Variants in GLIS3 observed in about 807,000 individuals in gnomAD.
The protein encoded by GLIS3 is zinc finger protein GLIS3.
In GLIS3, 53 loss-of-function variants were observed where a neutral mutation model predicts 78.6. That is an observed-to-expected ratio of 0.67 (90% CI 0.54 to 0.85). GLIS3 has a LOEUF of 0.85. GLIS3 is among the 40% of genes least tolerant of loss of function. GLIS3 has a pLI of 0.00. For missense variants in GLIS3, 1,703 were observed against 1,231.1 expected (o/e 1.38, Z -5.74); for synonymous variants, 684 against 509.9 (o/e 1.34, Z -4.60).
chr9:3,854,934 T>A (rs919098054), intron 9 of GLIS3, among the ~76,000 whole-genome samples: 1 of 152,202 alleles, frequency 6.6e-6, no homozygotes, highest in Non-Finnish European at 1.5e-5. Flanking sequence ...GCATATTGAT[T>A]TAGATTTGTT....
the GLIS3 span, among the ~76,000 whole-genome samples, chr9:4,408,726 CA>C: frequency 0.099 from 5,599 of 56,636 alleles, 60 homozygotes; most frequent in African/African-American, 0.13. Context: ...GACTCTGTCT[CA>C]AAAAAAAAAA....
At chr9:4,398,226 T>TA in the GLIS3 span, among the ~76,000 whole-genome samples, 2 of 152,064 alleles carry the variant, frequency 1.3e-5, no homozygotes, top group African/African-American at 4.8e-5. Flanking sequence ...ATATTTTTTT[T>TA]AATATCATTA....
In GLIS3 at chr9:3,828,388, A is replaced by G; in HGVS notation, c.2677T>C (p.Ser893Pro). The change falls in exon 11 of 11, where the codon TCC becomes CCC. Residue 893 changes from serine to proline, a missense_variant. By Grantham distance (74) the Ser-to-Pro change is moderately conservative (BLOSUM62 -1). Coordinates refer to ENST00000381971, the MANE Select transcript of GLIS3 (RefSeq NM_001042413.2). Reference sequence around the variant, plus strand: ...AGAGACTCCCCAAAGAGGCTCGAGGAACTTGAAGGTAAATCATACACTGGA... The same window carrying G: ...AGAGACTCCCCAAAGAGGCTCGAGGGACTTGAAGGTAAATCATACACTGGA... ...GITVYDLPSS[S>P]SSLFGESLRS... is the part of the protein sequence containing the mutation. 6.2e-7 allele frequency: 1 copy of G among 1,613,456 alleles called. No individual in the cohort carries two copies. The highest frequency in any genetic ancestry group is 8.5e-7 in the Non-Finnish European group (1 of 1,180,008).
upstream of GLIS3, among the ~76,000 whole-genome samples, chr9:4,348,774 A>G (rs1410922926): frequency 6.8e-6 from 1 of 147,072 alleles, no homozygotes; most frequent in Non-Finnish European, 1.5e-5. Flanking sequence ...CTCCTAAGTG[A>G]AAAAAAAACA....
chr9:4,024,692 G>C (rs561593096), intron 4 of GLIS3, among the ~76,000 whole-genome samples: 4 of 152,346 alleles, frequency 2.6e-5, no homozygotes, highest in African/African-American at 7.2e-5. Context: ...ACAGGGCAAA[G>C]ACAGAGGCCA....
At chr9:4,481,909 G>C in the GLIS3 span, among the ~76,000 whole-genome samples, 1 of 152,242 alleles carries the variant, frequency 6.6e-6, no homozygotes, top group South Asian at 2.1e-4. Context: ...CCTTCTCTAA[G>C]TTTACAATTT....
the GLIS3 span, among the ~76,000 whole-genome samples, chr9:4,410,341 G>C: frequency 2.0e-5 from 3 of 152,214 alleles, no homozygotes; most frequent in East Asian, 3.9e-4. Flanking sequence ...CAGAGAAGCA[G>C]TTGTTTTTTC....
intron 7 of GLIS3, among the ~76,000 whole-genome samples, chr9:3,884,274 T>G (rs1821925803): frequency 1.3e-5 from 2 of 152,082 alleles, no homozygotes; most frequent in African/African-American, 4.8e-5. Flanking sequence ...GTTAGTAGCA[T>G]CCCCAAATAA....
At chr9:3,845,592 T>C (rs1415224483) in intron 9 of GLIS3, among the ~76,000 whole-genome samples, 3 of 152,210 alleles carry the variant, frequency 2.0e-5, no homozygotes, top group Non-Finnish European at 4.4e-5. Context: ...GTAAATTGTA[T>C]GTAAGGACTG....
At chr9:4,188,161 G>A (rs1007972784) in intron 2 of GLIS3, among the ~76,000 whole-genome samples, 4 of 150,916 alleles carry the variant, frequency 2.7e-5, no homozygotes, top group Admixed American at 1.3e-4. Flanking sequence ...ATTATTTTGA[G>A]ATACATCCCA....
At chr9:3,943,854 T>C (rs1008003872) in intron 4 of GLIS3, among the ~76,000 whole-genome samples, 7 of 152,192 alleles carry the variant, frequency 4.6e-5, no homozygotes, top group African/African-American at 1.7e-4. Flanking sequence ...ACTAAAATTT[T>C]TGTAGAATTA....
intron 4 of GLIS3, among the ~76,000 whole-genome samples, chr9:4,107,946 G>A (rs1830899102): frequency 6.6e-6 from 1 of 150,852 alleles, no homozygotes; most frequent in South Asian, 2.1e-4. Flanking sequence ...CTAGCTTCAA[G>A]TGTGTGTGTG....
intron 2 of GLIS3, among the ~76,000 whole-genome samples, chr9:4,153,710 A>C (rs2131050591): frequency 6.6e-6 from 1 of 152,346 alleles, no homozygotes; most frequent in African/African-American, 2.4e-5. Context: ...AGAGATCAAT[A>C]AATGGTAGTG....
chr9:4,190,862 C>G (rs201629853), intron 2 of GLIS3, among the ~76,000 whole-genome samples: 20 of 152,184 alleles, frequency 1.3e-4, no homozygotes, highest in African/African-American at 3.6e-4. Flanking sequence ...AGCCAGAAGA[C>G]AGTGGGGGCC....
At position 4,215,735 on chromosome 9, in the gene GLIS3, C is replaced by T. The variant is rs574610487; in HGVS notation, c.388+70303G>A. Among the ~76,000 whole-genome samples the T allele has an allele frequency of 2.0e-5, 3 of 152,304 alleles. No homozygotes were observed. In the South Asian group the frequency reaches 6.2e-4, roughly 32 times the overall value. On this transcript the variant is annotated intron_variant, in intron 2 of 10. Transcript: ENST00000381971. Reference sequence around the variant, plus strand: ...AAAACACGTCCATATAATTTAACCACTTCAAAGTTTCCTCATAACATTGTG... The same window carrying T: ...AAAACACGTCCATATAATTTAACCATTTCAAAGTTTCCTCATAACATTGTG...
In GLIS3 at chr9:3,977,865, G is replaced by A. The variant is rs1425807906; in HGVS notation, c.1711-40676C>T. ...CAGCAGGCTGTTGCATCCAGCTGGT[G>A]AGGAGGTCTAATTTCACACCACGCA... is the stretch of plus-strand genomic sequence containing the variant. On this transcript the variant is annotated intron_variant, in intron 4 of 10. Coordinates refer to ENST00000381971, the MANE Select transcript of GLIS3 (RefSeq NM_001042413.2). This position sits in a 1 kb window ranked among gnomAD's most constrained non-coding sequence, Gnocchi z 4.1. Among the ~76,000 whole-genome samples the A allele has an allele frequency of 2.0e-5, 3 of 152,212 alleles. No individual in the cohort carries two copies.
intron 5 of GLIS3, among the ~76,000 whole-genome samples, chr9:3,935,312 C>T (rs647401): frequency 0.69 from 104,869 of 151,902 alleles, 36,638 homozygotes; most frequent in East Asian, 0.93. Flanking sequence ...AAAAATGATG[C>T]TTTAAAAATA....
chr9:3,990,794 T>C (rs530135257), intron 4 of GLIS3, among the ~76,000 whole-genome samples: 3 of 152,344 alleles, frequency 2.0e-5, no homozygotes, highest in African/African-American at 7.2e-5. Context: ...TATTTAAAAA[T>C]GTTAAATTTT....
chr9:4,119,014 A>G, intron 3 of GLIS3, 133 bp from the exon 4 acceptor site: 1 of 952,340 alleles, frequency 1.1e-6, no homozygotes, highest in Non-Finnish European at 1.6e-6. Context: ...TGTGCTAAAC[A>G]CACATTCTTG....
Sources: gnomAD v4.1 joint callset for allele counts (sites outside exome capture counted in the v4.1 genomes callset) on GRCh38, gnomAD v4.1.1 for gene constraint, Gnocchi (gnomAD v3.1) non-coding constraint, MANE v1.5 for transcripts, NCBI Gene and HGNC (gene_info 2026-07-23, HGNC 2026-07-21) for gene names.